The following EHMT2 variants were observed in gnomAD, a reference collection of about 807,000 sequenced individuals.
EHMT2 encodes the protein histone-lysine N-methyltransferase EHMT2.
A neutral mutation model predicts 143.3 loss-of-function variants in EHMT2; 59 were observed. The ratio of observed to expected loss-of-function variants is 0.41; its 90% CI spans 0.33 to 0.51. EHMT2 has a LOEUF of 0.51. EHMT2 is among the 20% of genes least tolerant of loss of function. The pLI is 0.18. For missense variants in EHMT2, 1,174 were observed against 1,645.9 expected (o/e 0.71, Z 4.96); for synonymous variants, 604 against 651.5 (o/e 0.93, Z 1.11).
rs751795909 is a variant in EHMT2, at chr6:31,883,331, G to C, written c.2994+31C>G. ...GCTGGCTCCTCTGAAGGAGGGGCCGGGTGTCTGTGGCCAAGGCAAGGGGCA... is the reference window on the plus strand; with the variant it reads ...GCTGGCTCCTCTGAAGGAGGGGCCGCGTGTCTGTGGCCAAGGCAAGGGGCA... On this transcript the variant is annotated intron_variant, in intron 23 of 27. Coordinates refer to ENST00000375537, the Ensembl canonical transcript of EHMT2. This position sits in a 1 kb window ranked among gnomAD's most constrained non-coding sequence, Gnocchi z 5.6. 20 of 1,608,484 alleles carry C rather than the reference G, an allele frequency of 1.2e-5. No homozygotes were observed. In the South Asian group the frequency reaches 2.2e-4, roughly 18 times the overall value.
chr6:31,894,180 C>T (rs1435060472), intron 4 of EHMT2, among the ~76,000 whole-genome samples: 1 of 151,312 alleles, frequency 6.6e-6, no homozygotes, highest in Non-Finnish European at 1.5e-5. Context: ...GAGTTTTGCT[C>T]TTGTTGTCCA....
chr6:31,893,362 C>A (rs982595349), intron 4 of EHMT2: 22 of 449,228 alleles, frequency 4.9e-5, no homozygotes, highest in Non-Finnish European at 8.1e-5. Context: ...ATTCTGTTAC[C>A]CAGGATGGAG....
At chr6:31,896,929 C>CGGT (rs1562524415) in exon 2 of EHMT2, 1 of 1,599,820 alleles carries the variant, frequency 6.3e-7, no homozygotes, top group Non-Finnish European at 8.5e-7. Flanking sequence ...TCACCTCTCT[C>CGGT]GGTGGCTCCT....
intron 1 of EHMT2, 100 bp downstream of exon 1, chr6:31,897,535 GC>G: frequency 4.6e-5 from 45 of 971,790 alleles, no homozygotes; most frequent in East Asian, 5.2e-5. Context: ...TCCCGCCCGG[GC>G]CCCCCGGCCC....
intron 4 of EHMT2, chr6:31,893,188 T>C (rs1765926500): frequency 3.8e-6 from 2 of 525,132 alleles, no homozygotes; most frequent in East Asian, 3.2e-5. Context: ...ACCTTTTATA[T>C]GTGGCCATAT....
At chr6:31,892,941 C>CTCCTACTG in intron 4 of EHMT2, 31 bp from the exon 5 acceptor site, 1 of 1,483,402 alleles carries the variant, frequency 6.7e-7, no homozygotes, top group Non-Finnish European at 9.1e-7. Flanking sequence ...CACTGAGGGT[C>CTCCTACTG]AGAGAGCACC....
chr6:31,896,598 C>T lies in EHMT2; in HGVS notation c.328+8G>A. ...CCCACCAACCCCCCAGGCTACCCAG[C>T]CTCTCACCCAGCAGGATCCGGCCCC... On this transcript the variant is annotated splice_region_variant and intron_variant, in intron 3 of 27. Coordinates refer to ENST00000375537, the Ensembl canonical transcript of EHMT2. 6.3e-7 allele frequency: 1 copy of T among 1,586,532 alleles called. No individual in the cohort carries two copies. Among genetic ancestry groups the T allele is most frequent in the Non-Finnish European group, 8.6e-7 (1 of 1,166,470 alleles).
chr6:31,886,403 G>A, intron 18 of EHMT2, 178 bp downstream of exon 18: 1 of 612,622 alleles, frequency 1.6e-6, no homozygotes, highest in Non-Finnish European at 2.8e-6. Context: ...ACTTGATAAA[G>A]AGAAAGAAAC....
chr6:31,896,617 C>G, exon 3 of EHMT2: 1 of 1,584,298 alleles, frequency 6.3e-7, no homozygotes, highest in Non-Finnish European at 8.6e-7. Context: ...CAGCAGGATC[C>G]GGCCCCCACG....
At chr6:31,886,725 A>C (rs370486799) in intron 17 of EHMT2, 43 bp from the exon 18 acceptor site, 2 of 1,613,878 alleles carry the variant, frequency 1.2e-6, no homozygotes, top group Non-Finnish European at 1.7e-6. Flanking sequence ...CTGGCACCCC[A>C]AACCTGGTCC....
intron 18 of EHMT2, 168 bp downstream of exon 18, chr6:31,886,402 AGAGAAAGAAAC>A (rs1222183606): frequency 4.9e-6 from 3 of 611,310 alleles, no homozygotes; most frequent in Non-Finnish European, 8.5e-6. Flanking sequence ...AACTTGATAA[AGAGAAAGAAAC>A]GAGAAAGAAA....
In EHMT2 at chr6:31,884,650, G is replaced by A. The variant is rs756488765; in HGVS notation, c.2598C>T (p.Cys866=). ...AGGGCGGGGCAGGGGCTCACAGCAC[G>A]CAGTCATGGTAGCTCTCCCGAGCTG... The change falls in exon 20 of 28, where the codon TGC becomes TGT. Residue 866 remains cysteine, a synonymous_variant. Coordinates refer to ENST00000375537, the Ensembl canonical transcript of EHMT2. This position sits in a 1 kb window ranked among gnomAD's most constrained non-coding sequence, Gnocchi z 7.3. The A allele has an allele frequency of 1.4e-5, 22 of 1,586,966 alleles. No homozygotes were observed. Among genetic ancestry groups the A allele is most frequent in the African/African-American group, 2.7e-5 (2 of 74,556 alleles).
Position 31,889,257 on chromosome 6 carries a change from C to T in EHMT2, c.1085G>A (p.Arg362Gln), listed in dbSNP as rs541752887. 2.8e-5 allele frequency: 45 copies of T among 1,611,340 alleles called. No individual in the cohort carries two copies. The highest frequency in any genetic ancestry group is 2.0e-4 in the East Asian group (9 of 44,806). Residue 362 changes from arginine to glutamine, a missense_variant, in exon 9 of 28, where the codon CGG becomes CAG. This residue lies in a region of EHMT2 where 608 missense variants were observed against 903.7 expected (regional missense o/e 0.67). Transcript: ENST00000375537. The surrounding 1 kb of genome is among the most constrained non-coding windows in gnomAD (Gnocchi z 5.1). ...TGGCTCCTTGGCCCGCGGAGGCTCCCGCTTGCGCCGTTTCCGAGACGGCTT... is the reference window on the plus strand; with the variant it reads ...TGGCTCCTTGGCCCGCGGAGGCTCCTGCTTGCGCCGTTTCCGAGACGGCTT...
In EHMT2 at chr6:31,889,771, A is replaced by C. The variant is rs954067326; in HGVS notation, c.865-169T>G. On this transcript the variant is annotated intron_variant, in intron 7 of 27. Coordinates refer to ENST00000375537, the Ensembl canonical transcript of EHMT2. The surrounding 1 kb of genome is among the most constrained non-coding windows in gnomAD (Gnocchi z 5.1). ...GCCACATAAAGAGAGGGTGCATGGA[A>C]TATTACACAGCAGTGAAAAAGTTAC... 2.6e-5 allele frequency among the ~76,000 whole-genome samples: 4 copies of C among 152,222 alleles called. No individual in the cohort carries two copies. Among genetic ancestry groups the C allele is most frequent in the African/African-American group, 9.6e-5 (4 of 41,456 alleles).
At position 31,883,665 on chromosome 6, in the gene EHMT2, TG is replaced by T; in HGVS notation, c.2916+140del. 8.0e-7 allele frequency: 1 copy of T among 1,257,754 alleles called. No individual in the cohort carries two copies. Among genetic ancestry groups the T allele is most frequent in the Non-Finnish European group, 1.1e-6 (1 of 890,460 alleles). 77.9% of individuals were successfully genotyped at this position (1,257,754 alleles called of 1,614,324 possible). On this transcript the variant is annotated intron_variant, in intron 22 of 27. Transcript: ENST00000375537. The surrounding 1 kb of genome is among the most constrained non-coding windows in gnomAD (Gnocchi z 5.6). ...TGACCTAGGAAAAGGATCCCTCCCC[TG>T]GTGGGGATGCGACCCCACACCAGGG...
At position 31,883,048 on chromosome 6, in the gene EHMT2, G is replaced by T; in HGVS notation, c.2995-39C>A. The T allele has an allele frequency of 6.4e-7, 1 of 1,567,716 alleles. No individual in the cohort carries two copies. Among genetic ancestry groups the T allele is most frequent in the Non-Finnish European group, 8.7e-7 (1 of 1,143,374 alleles). Reference sequence around the variant, plus strand: ...GGGAGGATAGTGGTTTCTCTGTGGGGCCCACCTCAGCTGCCCACCCAGGAA... The same window carrying T: ...GGGAGGATAGTGGTTTCTCTGTGGGTCCCACCTCAGCTGCCCACCCAGGAA... On this transcript the variant is annotated intron_variant, in intron 23 of 27. Coordinates refer to ENST00000375537, the Ensembl canonical transcript of EHMT2. This position sits in a 1 kb window ranked among gnomAD's most constrained non-coding sequence, Gnocchi z 5.6.
Position 31,883,166 on chromosome 6 carries a change from G to A in EHMT2, c.2995-157C>T. ...CACGAAATGCAGGAGCATCATCCCTGGTTTGCATAGACCTGGGCACACGCC... is the reference window on the plus strand; with the variant it reads ...CACGAAATGCAGGAGCATCATCCCTAGTTTGCATAGACCTGGGCACACGCC... On this transcript the variant is annotated intron_variant, in intron 23 of 27. Coordinates refer to ENST00000375537, the Ensembl canonical transcript of EHMT2. This position sits in a 1 kb window ranked among gnomAD's most constrained non-coding sequence, Gnocchi z 5.6. 1.2e-6 allele frequency: 1 copy of A among 859,122 alleles called. No homozygotes were observed. Among genetic ancestry groups the A allele is most frequent in the Non-Finnish European group, 1.9e-6 (1 of 536,112 alleles). 53.2% of individuals were successfully genotyped at this position (859,122 alleles called of 1,614,324 possible).
In EHMT2 at chr6:31,884,677, G is replaced by T; in HGVS notation, c.2571C>A (p.Ile857=). 6.3e-7 allele frequency: 1 copy of T among 1,582,616 alleles called. No individual in the cohort carries two copies. The highest frequency in any genetic ancestry group is 8.6e-7 in the Non-Finnish European group (1 of 1,160,826). The change falls in exon 20 of 28, where the codon ATC becomes ATA. Residue 857 remains isoleucine, a synonymous_variant. Transcript: ENST00000375537. This position sits in a 1 kb window ranked among gnomAD's most constrained non-coding sequence, Gnocchi z 7.3. Reference sequence around the variant, plus strand: ...AGTCATGGTAGCTCTCCCGAGCTGCGATGTGCAGGGGGGTGTCCCCATGGT... The same window carrying T: ...AGTCATGGTAGCTCTCCCGAGCTGCTATGTGCAGGGGGGTGTCCCCATGGT...
In EHMT2 at chr6:31,888,679, G is replaced by T. The variant is rs1210618098; in HGVS notation, c.1285C>A (p.Arg429Ser). 6.2e-7 allele frequency: 1 copy of T among 1,613,700 alleles called. No individual in the cohort carries two copies. The highest frequency in any genetic ancestry group is 8.5e-7 in the Non-Finnish European group (1 of 1,180,028). Residue 429 changes from arginine to serine, a missense_variant, in exon 11 of 28, where the codon CGC (arginine) becomes AGC (serine). Arg to Ser is a moderately radical substitution (Grantham distance 110). This residue lies in a region of EHMT2 where 608 missense variants were observed against 903.7 expected (regional missense o/e 0.67). Coordinates refer to ENST00000375537, the Ensembl canonical transcript of EHMT2. The surrounding 1 kb of genome is among the most constrained non-coding windows in gnomAD (Gnocchi z 7.4). ...CGGTCAATCTTGGGTGCCTCCATGC[G>T]GCAGCTGCACAGGGGCAACTCCTCA...
Sources: gnomAD v4.1 joint callset for allele counts (sites outside exome capture counted in the v4.1 genomes callset) on GRCh38, gnomAD v4.1.1 for gene constraint, gnomAD v4.1.1 regional missense constraint, Gnocchi (gnomAD v3.1) non-coding constraint, MANE v1.5 for transcripts, NCBI Gene and HGNC (gene_info 2026-07-23, HGNC 2026-07-21) for gene names.